SNX20: variants seen among roughly 807,000 people sequenced by gnomAD.
The protein encoded by SNX20 is sorting nexin 20, also known as sorting nexin-20.
SNX20 carries 21 observed loss-of-function variants against 24.5 expected under a neutral mutation model. That is an observed-to-expected ratio of 0.86 (90% confidence interval 0.61 to 1.23). SNX20 has a LOEUF of 1.23. Ranked by LOEUF, SNX20 falls within the 50% of genes most tolerant of loss-of-function variation. The pLI is 0.00. For synonymous variants in SNX20, 206 were observed against 192.8 expected (o/e 1.07, Z -0.57); for missense variants, 433 against 430.8 (o/e 1.00, Z -0.04).
Position 50,673,751 on chromosome 16 carries a change from C to A in SNX20, c.606G>T (p.Pro202=). The A allele has an allele frequency of 1.3e-6, 2 of 1,515,440 alleles. No individual in the cohort carries two copies. The highest frequency in any genetic ancestry group is 2.5e-5 in the South Asian group (2 of 80,454). 93.9% of individuals were successfully genotyped at this position (1,515,440 alleles called of 1,614,324 possible). ...AFGCLRAGQY[P]RALELLLRVL... ...CGCGCAGCAGCAGCTCCAGGGCGCGCGGGTACTGGCCGGCCCGCAGGCAGC... is the reference window on the plus strand; with the variant it reads ...CGCGCAGCAGCAGCTCCAGGGCGCGAGGGTACTGGCCGGCCCGCAGGCAGC... Residue 202 remains proline (P), a synonymous_variant, in exon 4 of 4, where the codon CCG becomes CCT. Transcript: ENST00000330943. This position sits in a 1 kb window ranked among gnomAD's most constrained non-coding sequence, Gnocchi z 4.1.
At chr16:50,675,084 C>CATCTA (rs1963152153) in intron 3 of SNX20, among the ~76,000 whole-genome samples, 1 of 152,220 alleles carries the variant, frequency 6.6e-6, no homozygotes, top group Non-Finnish European at 1.5e-5. Flanking sequence ...GAGCTGTGCC[C>CATCTA]GGCATGCCAT....
At chr16:50,668,709 T>G (rs1962972500), downstream of SNX20, 1 of 1,080,928 alleles carries the variant, frequency 9.3e-7, no homozygotes, top group African/African-American at 1.7e-5. Flanking sequence ...GAGACGTGGC[T>G]GGGCACAGCT....
downstream of SNX20, chr16:50,666,970 C>CG (rs1962929590): frequency 6.6e-6 from 1 of 152,262 alleles, no homozygotes; most frequent in Non-Finnish European, 1.5e-5. Flanking sequence ...TATGAGGTGA[C>CG]AAGTGTGGGT....
intron 1 of SNX20, among the ~76,000 whole-genome samples, chr16:50,679,894 C>A (rs988539234): frequency 5.9e-5 from 9 of 152,170 alleles, no homozygotes; most frequent in African/African-American, 2.2e-4. Context: ...GCCTCAGGGG[C>A]CCCAGCCTTT....
downstream of SNX20, chr16:50,670,831 C>G (rs1301604469): frequency 6.6e-6 from 1 of 150,386 alleles, no homozygotes; most frequent in East Asian, 1.9e-4. Flanking sequence ...CGTGGATGCT[C>G]AGGCCAAGGC....
Position 50,673,164 on chromosome 16 carries a change from G to T in SNX20, c.*242C>A. Reference sequence around the variant, plus strand: ...AAAAAATTAAAAATTAGCCTGGTGTGGTGGTGTGCACCTGTAATCCCAGCT... The same window carrying T: ...AAAAAATTAAAAATTAGCCTGGTGTTGTGGTGTGCACCTGTAATCCCAGCT... On this transcript the variant is annotated 3_prime_UTR_variant, in exon 4 of 4. Transcript: ENST00000330943. The surrounding 1 kb of genome is among the most constrained non-coding windows in gnomAD (Gnocchi z 4.1). The T allele has an allele frequency of 2.0e-6, 1 of 501,788 alleles. No individual in the cohort carries two copies. The highest frequency in any genetic ancestry group is 3.1e-6 in the Non-Finnish European group (1 of 326,594). The allele number at this position is 501,788 out of a possible 1,614,324, so 31.1% of individuals were successfully genotyped here.
chr16:50,673,659 A>G lies in SNX20; in HGVS notation c.698T>C (p.Val233Ala). The change falls in exon 4 of 4, where the codon GTG becomes GCG. Residue 233 changes from valine to alanine, a missense_variant. Val to Ala is a moderately conservative substitution (Grantham distance 64). Transcript: ENST00000330943. This position sits in a 1 kb window ranked among gnomAD's most constrained non-coding sequence, Gnocchi z 4.1. ...PAAAVPALCA[V>A]LLCHRDLDRP... ...GTCGAGGTCGCGGTGGCACAGCAGC[A>G]CGGCGCACAGGGCCGGGACGGCGGC... is the stretch of plus-strand genomic sequence containing the variant. 1.3e-6 allele frequency: 2 copies of G among 1,510,714 alleles called. No individual in the cohort carries two copies. The highest frequency in any genetic ancestry group is 1.8e-6 in the Non-Finnish European group (2 of 1,138,974). The allele number at this position is 1,510,714 out of a possible 1,614,324, so 93.6% of individuals were successfully genotyped here.
Position 50,677,508 on chromosome 16 carries a change from G to T in SNX20, c.19C>A (p.Pro7Thr). The change falls in exon 2 of 4, where the codon CCT becomes ACT. Residue 7 changes from proline to threonine, a missense_variant. Physicochemically the swap from Pro to Thr is conservative, Grantham distance 38. Coordinates refer to ENST00000330943, the MANE Select transcript of SNX20 (RefSeq NM_182854.4). Reference protein sequence around the residue: MASPEHPGSPGCMGPIT... With the variant: MASPEHTGSPGCMGPIT... ...GGTCCCATGCAGCCAGGGCTCCCAG[G>T]GTGCTCTGGACTTGCCATGCTCCAA... 6.3e-7 allele frequency: 1 copy of T among 1,598,272 alleles called. No individual in the cohort carries two copies. Among genetic ancestry groups the T allele is most frequent in the Non-Finnish European group, 8.5e-7 (1 of 1,171,828 alleles).
chr16:50,675,865 A>G lies in SNX20; in HGVS notation c.187T>C (p.Tyr63His). The G allele has an allele frequency of 6.2e-7, 1 of 1,613,368 alleles. No individual in the cohort carries two copies. Among genetic ancestry groups the G allele is most frequent in the South Asian group, 1.1e-5 (1 of 90,984 alleles). Reference protein sequence around the residue: ...SSMTTRELQQYWQNQKCRWKH... With the variant: ...SSMTTRELQQHWQNQKCRWKH... ...CAGCGGCATTTCTGGTTCTGCCAGT[A>G]CTGCTGAAGCTCCCGCGTGGTCATG... The change falls in exon 3 of 4, where the codon TAC becomes CAC. Residue 63 changes from tyrosine to histidine, a missense_variant. Transcript: ENST00000330943.
At chr16:50,676,050 TC>T in intron 2 of SNX20, 129 bp from the exon 3 acceptor site, 1 of 1,021,144 alleles carries the variant, frequency 9.8e-7, no homozygotes, top group Middle Eastern at 3.2e-4. Flanking sequence ...TATCCCTCTC[TC>T]CCACCCCGCC....
chr16:50,677,522 G>T lies in SNX20; in HGVS notation c.5C>A (p.Ala2Glu). Residue 2 changes from alanine to glutamate, a missense_variant, in exon 2 of 4, where the codon GCA (alanine) becomes GAA (glutamate). Ala to Glu is a moderately radical substitution (Grantham distance 107). Coordinates refer to ENST00000330943, the MANE Select transcript of SNX20 (RefSeq NM_182854.4). ...AGGGCTCCCAGGGTGCTCTGGACTT[G>T]CCATGCTCCAAGGCTGCCAGAGGAA... Reference protein sequence around the residue: MASPEHPGSPGC... With the variant: MESPEHPGSPGC... 1 of 1,583,324 alleles carries T rather than the reference G, an allele frequency of 6.3e-7. No homozygotes were observed. The highest frequency in any genetic ancestry group is 8.6e-7 in the Non-Finnish European group (1 of 1,163,050).
chr16:50,677,652 G>GC (rs1963215107), intron 1 of SNX20, 117 bp from the exon 2 acceptor site: 5 of 1,144,512 alleles, frequency 4.4e-6, no homozygotes, highest in Non-Finnish European at 5.8e-6. Context: ...AATGACAAGG[G>GC]CCCCACGGCT....
rs1963066871 is a variant in SNX20 at position 50,672,295 on chromosome 16, A to AGTTG, written c.*1110_*1111insCAAC. 1 of 152,272 alleles carries AGTTG rather than the reference A, an allele frequency of 6.6e-6. No homozygotes were observed. Among genetic ancestry groups the AGTTG allele is most frequent in the East Asian group, 1.9e-4 (1 of 5,198 alleles). The allele number at this position is 152,272 out of a possible 1,614,324, so 9.4% of individuals were successfully genotyped here. A position where few individuals can be genotyped will look rare whatever the true frequency, so the allele number is the denominator to read the frequency against. On this transcript the variant is annotated 3_prime_UTR_variant, in exon 4 of 4. Transcript: ENST00000330943. ...CACCTCCTCCCCAGGCTGTTTCTAC[A>AGTTG]TAACCCAGGGAAGCCATTCAGGGAA...
At chr16:50,668,393 G>T, downstream of SNX20, 2 of 937,364 alleles carry the variant, frequency 2.1e-6, no homozygotes, top group Non-Finnish European at 2.8e-6. Flanking sequence ...CTCAGGCTCA[G>T]GGCCTGTCTC....
chr16:50,675,013 T>C (rs7187799), intron 3 of SNX20, among the ~76,000 whole-genome samples: 5,036 of 152,306 alleles, frequency 0.033, 286 homozygotes, highest in African/African-American at 0.12. Context: ...AAAACAAGGA[T>C]AGGCATAGTG....
At chr16:50,669,047 C>G (rs772073294), downstream of SNX20, 2 of 1,551,848 alleles carry the variant, frequency 1.3e-6, no homozygotes, top group South Asian at 2.4e-5. Context: ...CCTCTCAGAG[C>G]ATGTCACTTT....
chr16:50,675,826 G>T lies in SNX20; in HGVS notation c.226C>A (p.Leu76Met). ...CGAGCTGAAGCGATCTCAAAGAGCAGTTTGACGTGCTTCCAGCGGCATTTC... is the reference window on the plus strand; with the variant it reads ...CGAGCTGAAGCGATCTCAAAGAGCATTTTGACGTGCTTCCAGCGGCATTTC... ...NQKCRWKHVK[L>M]LFEIASARIE... Residue 76 changes from leucine to methionine, a missense_variant, in exon 3 of 4, where the codon CTG becomes ATG. Transcript: ENST00000330943. The T allele has an allele frequency of 6.2e-7, 1 of 1,613,800 alleles. No homozygotes were observed. Among genetic ancestry groups the T allele is most frequent in the African/African-American group, 1.3e-5 (1 of 75,038 alleles).
chr16:50,675,752 T>G lies in SNX20; in HGVS notation c.282+18A>C, dbSNP rs549803287. On this transcript the variant is annotated intron_variant, in intron 3 of 3. Coordinates refer to ENST00000330943, the MANE Select transcript of SNX20 (RefSeq NM_182854.4). ...AGCAGAGTGAAAGAGGCTCCACCAT[T>G]TCCCAATCTCTGCTTACCACAAACT... 3.2e-5 allele frequency: 52 copies of G among 1,610,876 alleles called. No individual in the cohort carries two copies. In the Middle Eastern group the frequency reaches 5.0e-4, roughly 15 times the overall value.
chr16:50,667,903 T>C, downstream of SNX20: 1 of 1,119,236 alleles, frequency 8.9e-7, no homozygotes, highest in Non-Finnish European at 1.3e-6. Flanking sequence ...ATTTTCTTGA[T>C]CTTACCATGG....
Sources: gnomAD v4.1 joint callset for allele counts (sites outside exome capture counted in the v4.1 genomes callset) on GRCh38, gnomAD v4.1.1 for gene constraint, Gnocchi (gnomAD v3.1) non-coding constraint, MANE v1.5 for transcripts, NCBI Gene and HGNC (gene_info 2026-07-23, HGNC 2026-07-21) for gene names.